Variants in UHRF1 observed in about 807,000 individuals in gnomAD.
The protein encoded by UHRF1 is ubiquitin like with PHD and ring finger domains 1.
UHRF1 carries 9 observed loss-of-function variants against 96.5 expected under a neutral mutation model. The ratio of observed to expected loss-of-function variants is 0.09; its 90% CI spans 0.06 to 0.16. UHRF1 has a LOEUF of 0.16. Among genes scored for constraint, UHRF1 ranks in the 10% least tolerant of loss-of-function variants. The probability of loss-of-function intolerance (pLI) is 1.00; values close to 1 mark genes in which losing one functional copy is unlikely to be tolerated. For missense variants in UHRF1, 626 were observed against 1,131.1 expected (o/e 0.55, Z 6.40); for synonymous variants, 455 against 469.9 (o/e 0.97, Z 0.41).
rs2032649181 is a variant in UHRF1 at position 4,919,911 on chromosome 19, G to A, written c.153+8873G>A. Among the ~76,000 whole-genome samples, 3 of 151,596 alleles carry A rather than the reference G, an allele frequency of 2.0e-5. No homozygotes were observed. The South Asian group carries it at 6.3e-4, about 32-fold the overall frequency. ...CAACTCACTGCACCCTCCGCCTCCC[G>A]GGTTCAAGCGATTCTCCTGCCTCAG... On this transcript the variant is annotated intron_variant, in intron 2 of 16. Coordinates refer to ENST00000650932, the MANE Select transcript of UHRF1 (RefSeq NM_001048201.3).
intron 16 of UHRF1, among the ~76,000 whole-genome samples, chr19:4,959,937 T>C (rs1017111130): frequency 5.9e-5 from 9 of 152,346 alleles, no homozygotes; most frequent in African/African-American, 2.2e-4. Flanking sequence ...CTCAGCTCAC[T>C]GCAACCTCCG....
At chr19:4,932,638 T>C (rs1294662413) in intron 4 of UHRF1, 103 bp from the exon 5 acceptor site, 4 of 1,260,838 alleles carry the variant, frequency 3.2e-6, no homozygotes, top group Non-Finnish European at 4.5e-6. Flanking sequence ...GGGAGGGGCC[T>C]CTGCACACTG....
Position 4,909,623 on chromosome 19 carries a change from C to CA in UHRF1, c.-42dup. 1.6e-6 allele frequency: 1 copy of CA among 613,386 alleles called. No individual in the cohort carries two copies. The highest frequency in any genetic ancestry group is 2.9e-6 in the Non-Finnish European group (1 of 347,138). The allele number at this position is 613,386 out of a possible 1,614,324, so 38.0% of individuals were successfully genotyped here. ...GCCATCCCCAGCCGGGCCACGCGCG[C>CA]AGGCAGACAAGCTGTTCGCGGCGAC... On this transcript the variant is annotated 5_prime_UTR_variant, in exon 1 of 17. Transcript: ENST00000650932.
At position 4,950,701 on chromosome 19, in the gene UHRF1, G is replaced by A. The variant is rs748174807; in HGVS notation, c.1608G>A (p.Val536=). Residue 536 remains valine, a synonymous_variant, in exon 12 of 17, where the codon GTG becomes GTA. Coordinates refer to ENST00000650932, the MANE Select transcript of UHRF1 (RefSeq NM_001048201.3). ...DWRSGKPVRV[V]RNVKGGKNSK... is the part of the protein sequence containing the mutation. ...GGTCGGGGAAGCCGGTCAGGGTGGT[G>A]CGCAATGTCAAGGGTGGCAAGAATA... 74 of 1,607,186 alleles carry A rather than the reference G, an allele frequency of 4.6e-5. No homozygotes were observed. Among genetic ancestry groups the A allele is most frequent in the Non-Finnish European group, 5.6e-5 (66 of 1,176,802 alleles).
chr19:4,932,100 G>A (rs1242659271), intron 4 of UHRF1, among the ~76,000 whole-genome samples: 1 of 152,032 alleles, frequency 6.6e-6, no homozygotes, highest in Non-Finnish European at 1.5e-5. Flanking sequence ...GGCTAATTTT[G>A]TATTTTTAGT....
intron 7 of UHRF1, 38 bp from the exon 8 acceptor site, chr19:4,944,094 C>G: frequency 6.2e-7 from 1 of 1,610,080 alleles, no homozygotes; most frequent in Non-Finnish European, 8.5e-7. Context: ...AGACATCTGC[C>G]AGGCTAGGCG....
chr19:4,914,245 C>T (rs1228631989), intron 2 of UHRF1, among the ~76,000 whole-genome samples: 1 of 152,070 alleles, frequency 6.6e-6, no homozygotes, highest in African/African-American at 2.4e-5. Context: ...GAGGTTTGGA[C>T]AGTGGCGGGA....
At position 4,910,994 on chromosome 19, in the gene UHRF1, C is replaced by T. The variant is rs2032247943; in HGVS notation, c.109C>T (p.His37Tyr). ...GAGGCGGAAGATCCAGGAGCTGTTC[C>T]ACGTGGAGCCAGGCCTGCAGAGGCT... ...ELRRKIQELF[H>Y]VEPGLQRLFY... Residue 37 changes from histidine to tyrosine, a missense_variant, in exon 2 of 17, where the codon CAC becomes TAC. This residue lies in a region of UHRF1 where 32 missense variants were observed against 46.8 expected (regional missense o/e 0.68). Coordinates refer to ENST00000650932, the MANE Select transcript of UHRF1 (RefSeq NM_001048201.3). 1.2e-6 allele frequency: 2 copies of T among 1,611,584 alleles called. No individual in the cohort carries two copies. The highest frequency in any genetic ancestry group is 1.7e-5 in the Admixed American group (1 of 59,756).
At chr19:4,909,996 T>G in intron 1 of UHRF1, 2 of 181,894 alleles carry the variant, frequency 1.1e-5, no homozygotes, top group Non-Finnish European at 2.3e-5. Context: ...TCGCGCGCCC[T>G]GAGTTCCCCG....
chr19:4,938,730 G>GTTTTTTTTTTTTTTTTTTTTTT lies in UHRF1; in HGVS notation c.786-2788_786-2767dup, dbSNP rs71170880. Among the ~76,000 whole-genome samples the GTTTTTTTTTTTTTTTTTTTTTT allele has an allele frequency of 6.2e-4, 38 of 61,588 alleles. 5 individuals carry two copies. The highest frequency in any genetic ancestry group is 7.3e-4 in the Non-Finnish European group (25 of 34,020). 40.4% of individuals were successfully genotyped at this position (61,588 alleles called of 152,430 possible). Reference sequence around the variant, plus strand: ...GGCATAAGAGTTTTGTTTTGGTCAGGTTTTTTTTTTTTTTTTTTTTTTTTT... The same window carrying GTTTTTTTTTTTTTTTTTTTTTT: ...GGCATAAGAGTTTTGTTTTGGTCAGGTTTTTTTTTTTTTTTTTTTTTTTTTTTTTTTTTTTTTTTTTTTTTTT... On this transcript the variant is annotated intron_variant, in intron 5 of 16. Transcript: ENST00000650932.
rs57238025 is a variant in UHRF1 at position 4,951,523 on chromosome 19, A to G, written c.1818+527A>G. The stretch of plus-strand genomic sequence containing the variant: ...CTGATGGCACCCCCCTAGCTGTCCC[A>G]TATAAATCCTCCAGCCAGGGGGTGA... On this transcript the variant is annotated intron_variant, in intron 13 of 16. Transcript: ENST00000650932. Among the ~76,000 whole-genome samples, 429 of 152,162 alleles carry G rather than the reference A, an allele frequency of 2.8e-3. 1 individual carries two copies. The highest frequency in any genetic ancestry group is 9.8e-3 in the African/African-American group (405 of 41,518).
In UHRF1 at chr19:4,944,207, G is replaced by A. The variant is rs1223694928; in HGVS notation, c.1149G>A (p.Lys383=). 6.2e-7 allele frequency: 1 copy of A among 1,614,022 alleles called. No individual in the cohort carries two copies. The highest frequency in any genetic ancestry group is 1.7e-5 in the Admixed American group (1 of 60,026). ...AGCGGCTGAGAGAGAGCAAGAAGAAGGCGAAGATGGCCTCGGCCACATCGT... is the reference window on the plus strand; with the variant it reads ...AGCGGCTGAGAGAGAGCAAGAAGAAAGCGAAGATGGCCTCGGCCACATCGT... ...AGERLRESKK[K]AKMASATSSS... is the part of the protein sequence containing the mutation. The change falls in exon 8 of 17, where the codon AAG becomes AAA. Residue 383 remains lysine, a synonymous_variant. Transcript: ENST00000650932.
intron 13 of UHRF1, among the ~76,000 whole-genome samples, chr19:4,953,123 G>T (rs1490075828): frequency 6.6e-6 from 1 of 152,138 alleles, no homozygotes; most frequent in Non-Finnish European, 1.5e-5. Flanking sequence ...ACCCTGCCAG[G>T]TGGAGCTTGG....
chr19:4,919,593 C>T (rs148136672), intron 2 of UHRF1, among the ~76,000 whole-genome samples: 16 of 152,188 alleles, frequency 1.1e-4, no homozygotes, highest in East Asian at 1.9e-4. Flanking sequence ...TGAGCCACCG[C>T]GCCTAGCCCA....
At chr19:4,955,875 G>A (rs528263385) in intron 15 of UHRF1, among the ~76,000 whole-genome samples, 54 of 152,234 alleles carry the variant, frequency 3.5e-4, no homozygotes, top group African/African-American at 1.3e-3. Context: ...AAAGGTCACT[G>A]CCTCCTTGAA....
Position 4,929,255 on chromosome 19 carries a change from G to T in UHRF1, c.187G>T (p.Val63Phe). The change falls in exon 3 of 17, where the codon GTC becomes TTC. Residue 63 changes from valine (V) to phenylalanine (F), a missense_variant. Physicochemically the swap from Val to Phe is conservative, Grantham distance 50. Coordinates refer to ENST00000650932, the MANE Select transcript of UHRF1 (RefSeq NM_001048201.3). ...CGGCCATACCCTCTTCGACTACGAG[G>T]TCCGCCTGAATGACACCATCCAGCT... is the stretch of plus-strand genomic sequence containing the variant. ...EDGHTLFDYE[V>F]RLNDTIQLLV... The T allele has an allele frequency of 6.2e-7, 1 of 1,613,920 alleles. No homozygotes were observed.
At chr19:4,944,887 C>T (rs766505366) in intron 9 of UHRF1, among the ~76,000 whole-genome samples, 2 of 152,174 alleles carry the variant, frequency 1.3e-5, no homozygotes, top group African/African-American at 2.4e-5. Context: ...TTCTCTGGGG[C>T]GGGGCCATCC....
At chr19:4,923,574 G>C (rs914453146) in intron 2 of UHRF1, among the ~76,000 whole-genome samples, 12 of 152,308 alleles carry the variant, frequency 7.9e-5, no homozygotes, top group African/African-American at 2.6e-4. Flanking sequence ...TGCTCACGCC[G>C]CTCTGGCAGA....
intron 5 of UHRF1, among the ~76,000 whole-genome samples, chr19:4,933,791 C>T (rs907775476): frequency 2.6e-5 from 4 of 152,084 alleles, no homozygotes; most frequent in South Asian, 2.1e-4. Flanking sequence ...TTTATTGGGA[C>T]GTGGTCACAC....
Sources: gnomAD v4.1 joint callset for allele counts (sites outside exome capture counted in the v4.1 genomes callset) on GRCh38, gnomAD v4.1.1 for gene constraint, gnomAD v4.1.1 regional missense constraint, MANE v1.5 for transcripts, NCBI Gene and HGNC (gene_info 2026-07-23, HGNC 2026-07-21) for gene names.